The following PSD variants were observed in gnomAD, a reference collection of about 807,000 sequenced individuals.
The protein encoded by PSD is pleckstrin and Sec7 domain containing, also known as PH and SEC7 domain-containing protein 1.
A neutral mutation model predicts 91.6 loss-of-function variants in PSD; 32 were observed. The ratio of observed to expected loss-of-function variants is 0.35; its 90% CI spans 0.26 to 0.47. The LOEUF is 0.47. Ranked by LOEUF, PSD falls within the 20% of genes least tolerant of loss-of-function variation. The pLI is 1.00. For synonymous variants in PSD, 532 were observed against 569.3 expected (o/e 0.93, Z 0.93); for missense variants, 1,099 against 1,373.9 (o/e 0.80, Z 3.16).
Position 102,416,968 on chromosome 10 carries a change from C to A in PSD, c.71G>T (p.Arg24Leu), listed in dbSNP as rs755558509. The A allele has an allele frequency of 6.2e-7, 1 of 1,600,574 alleles. No individual in the cohort carries two copies. Among genetic ancestry groups the A allele is most frequent in the African/African-American group, 1.3e-5 (1 of 74,784 alleles). ...CAISPPRCPR[R>L]WLPEGPVPQS... ...GGGCACCGGGCCTTCGGGGAGCCAG[C>A]GGCGTGGGCATCGTGGTGGGGAGAT... The change falls in exon 2 of 17, where the codon CGC becomes CTC. Residue 24 changes from arginine (R) to leucine (L), a missense_variant. This residue lies in a region of PSD where 631 missense variants were observed against 728.8 expected (regional missense o/e 0.87). Transcript: ENST00000020673. This position sits in a 1 kb window ranked among gnomAD's most constrained non-coding sequence, Gnocchi z 6.0.
At position 102,409,179 on chromosome 10, in the gene PSD, C is replaced by T. The variant is rs558752022; in HGVS notation, c.2091+1679G>A. Reference sequence around the variant, plus strand: ...CCGCCCGGACGGCCCGCGGACCGCTCCCCCGACAGCCAGCGCGAGCGGCGC... The same window carrying T: ...CCGCCCGGACGGCCCGCGGACCGCTTCCCCGACAGCCAGCGCGAGCGGCGC... On this transcript the variant is annotated intron_variant, in intron 10 of 16. Coordinates refer to ENST00000020673, the MANE Select transcript of PSD (RefSeq NM_002779.5). The surrounding 1 kb of genome is among the most constrained non-coding windows in gnomAD (Gnocchi z 5.7). 1.4e-3 allele frequency: 1,354 copies of T among 981,176 alleles called. 2 individuals are homozygous for T. The highest frequency in any genetic ancestry group is 1.6e-3 in the Non-Finnish European group (1,310 of 828,370). The allele number at this position is 981,176 out of a possible 1,614,324, so 60.8% of individuals were successfully genotyped here.
In PSD at chr10:102,409,300, G is replaced by C. The variant is rs2061401014; in HGVS notation, c.2091+1558C>G. On this transcript the variant is annotated intron_variant, in intron 10 of 16. Transcript: ENST00000020673. This position sits in a 1 kb window ranked among gnomAD's most constrained non-coding sequence, Gnocchi z 5.7. ...TCTGCGGCTTGGCTAGAGCGGGAGG[G>C]GGGCGCCGACGGGAAAGGGAGGGCG... 1 of 985,454 alleles carries C rather than the reference G, an allele frequency of 1.0e-6. No homozygotes were observed. Among genetic ancestry groups the C allele is most frequent in the Admixed American group, 6.2e-5 (1 of 16,246 alleles). 61.0% of individuals were successfully genotyped at this position (985,454 alleles called of 1,614,324 possible).
chr10:102,413,764 C>T lies in PSD; in HGVS notation c.1553+5G>A, dbSNP rs770568688. 2 of 1,601,578 alleles carry T rather than the reference C, an allele frequency of 1.2e-6. No homozygotes were observed. Among genetic ancestry groups the T allele is most frequent in the South Asian group, 1.1e-5 (1 of 90,478 alleles). On this transcript the variant is annotated splice_donor_5th_base_variant and intron_variant, in intron 5 of 16. Transcript: ENST00000020673. Reference sequence around the variant, plus strand: ...CAAGTCTGAGGGACAAAAGGAATTACTTACCTGCCAAGGGGTGCTGCCCCC... The same window carrying T: ...CAAGTCTGAGGGACAAAAGGAATTATTTACCTGCCAAGGGGTGCTGCCCCC...
rs373090888 is a variant in PSD at position 102,411,657 on chromosome 10, T to C, written c.1942+50A>G. The C allele has an allele frequency of 4.2e-6, 6 of 1,427,108 alleles. No homozygotes were observed. The African/African-American group carries it at 4.2e-5, about 10-fold the overall frequency. 88.4% of individuals were successfully genotyped at this position (1,427,108 alleles called of 1,614,324 possible). A position where few individuals can be genotyped will look rare whatever the true frequency, so the allele number is the denominator to read the frequency against. On this transcript the variant is annotated intron_variant, in intron 8 of 16. Coordinates refer to ENST00000020673, the MANE Select transcript of PSD (RefSeq NM_002779.5). ...GTACACACACACAGGGCCCAGCCCATTTTGCCACTGTGGCCAGCTAAGGAC... is the reference window on the plus strand; with the variant it reads ...GTACACACACACAGGGCCCAGCCCACTTTGCCACTGTGGCCAGCTAAGGAC...
chr10:102,405,865 C>T lies in PSD; in HGVS notation c.2136-329G>A, dbSNP rs1476574578. On this transcript the variant is annotated intron_variant, in intron 11 of 16. Transcript: ENST00000020673. This position sits in a 1 kb window ranked among gnomAD's most constrained non-coding sequence, Gnocchi z 5.4. ...ACCAGGACAGCCCCGGGCCTGCCTC[C>T]GCTGGCTCAACCACATCCAGCCCCA... is the stretch of plus-strand genomic sequence containing the variant. 1.5e-5 allele frequency: 4 copies of T among 275,032 alleles called. No individual in the cohort carries two copies. The highest frequency in any genetic ancestry group is 4.3e-5 in the African/African-American group (2 of 46,282). 17.0% of individuals were successfully genotyped at this position (275,032 alleles called of 1,614,324 possible).
intron 1 of PSD, among the ~76,000 whole-genome samples, 174 bp downstream of exon 1, chr10:102,418,527 G>T (rs1389669345): frequency 6.6e-6 from 1 of 152,120 alleles, no homozygotes; most frequent in Non-Finnish European, 1.5e-5. Context: ...CTCCCCAGGG[G>T]TAAGACAGAT....
rs746885170 is a variant in PSD at position 102,413,867 on chromosome 10, C to T, written c.1455G>A (p.Glu485=). ...DGPWTQRGEE[E]EAEARAKLAP... ...CCAGCTTGGCTCTGGCCTCTGCCTC[C>T]TCCTCCTCCCCTCTCTGTGTCCAAG... Residue 485 remains glutamate, a synonymous_variant, in exon 5 of 17, where the codon GAG becomes GAA. Transcript: ENST00000020673. The T allele has an allele frequency of 1.9e-6, 3 of 1,614,012 alleles. No homozygotes were observed. Among genetic ancestry groups the T allele is most frequent in the South Asian group, 2.2e-5 (2 of 91,084 alleles).
Position 102,404,740 on chromosome 10 carries a change from C to A in PSD, c.2556-13G>T. On this transcript the variant is annotated splice_polypyrimidine_tract_variant and intron_variant, in intron 14 of 16. Transcript: ENST00000020673. The surrounding 1 kb of genome is among the most constrained non-coding windows in gnomAD (Gnocchi z 5.7). ...CTGCTCCAGGCTCCTGGGGAGAAAG[C>A]ACAGCCCTTTGGGACCTGGGCCCAG... 6.4e-7 allele frequency: 1 copy of A among 1,563,090 alleles called. No homozygotes were observed. Among genetic ancestry groups the A allele is most frequent in the Non-Finnish European group, 8.7e-7 (1 of 1,152,160 alleles).
chr10:102,407,354 A>G, intron 10 of PSD, 88 bp from the exon 11 acceptor site: 3 of 848,582 alleles, frequency 3.5e-6, no homozygotes, highest in South Asian at 2.9e-5. Flanking sequence ...TTGAGAGATG[A>G]GCCAGAACTA....
Position 102,409,308 on chromosome 10 carries a change from G to A in PSD, c.2091+1550C>T. On this transcript the variant is annotated intron_variant, in intron 10 of 16. Coordinates refer to ENST00000020673, the MANE Select transcript of PSD (RefSeq NM_002779.5). This position sits in a 1 kb window ranked among gnomAD's most constrained non-coding sequence, Gnocchi z 5.7. ...TTGGCTAGAGCGGGAGGGGGGCGCC[G>A]ACGGGAAAGGGAGGGCGAGGGCTGG... 1.0e-6 allele frequency: 1 copy of A among 985,420 alleles called. No homozygotes were observed. The highest frequency in any genetic ancestry group is 1.2e-6 in the Non-Finnish European group (1 of 829,616). The allele number at this position is 985,420 out of a possible 1,614,324, so 61.0% of individuals were successfully genotyped here.
At chr10:102,407,201 A>G (rs746865549) in intron 11 of PSD, 22 bp downstream of exon 11, 15 of 1,559,812 alleles carry the variant, frequency 9.6e-6, no homozygotes, top group Admixed American at 1.7e-5. Context: ...TCCTAGCCCC[A>G]CCACGCAGCC....
At position 102,404,788 on chromosome 10, in the gene PSD, T is replaced by C; in HGVS notation, c.2556-61A>G. On this transcript the variant is annotated intron_variant, in intron 14 of 16. Coordinates refer to ENST00000020673, the MANE Select transcript of PSD (RefSeq NM_002779.5). This position sits in a 1 kb window ranked among gnomAD's most constrained non-coding sequence, Gnocchi z 5.7. ...CAGGGTTTCTGTCCCAGGATGCCAG[T>C]CCTGGCTCAAGTGTGGCCTGAGAAG... 6.4e-7 allele frequency: 1 copy of C among 1,559,838 alleles called. No individual in the cohort carries two copies. Among genetic ancestry groups the C allele is most frequent in the Non-Finnish European group, 8.7e-7 (1 of 1,151,414 alleles).
In PSD at chr10:102,416,667, A is replaced by T; in HGVS notation, c.372T>A (p.Ser124Arg). 1.2e-6 allele frequency: 2 copies of T among 1,610,008 alleles called. No individual in the cohort carries two copies. Among genetic ancestry groups the T allele is most frequent in the Non-Finnish European group, 1.7e-6 (2 of 1,178,434 alleles). ...AAACCCCACCCAGATCCCAGCTCCG[A>T]CTCAAGCCCCCTGGAGCAGGTAGCC... is the stretch of plus-strand genomic sequence containing the variant. ...LNGLPAPGGL[S>R]RSWDLGGVSP... Residue 124 changes from serine to arginine, a missense_variant, in exon 2 of 17, where the codon AGT becomes AGA. Around this residue, in one of 3 missense-constraint regions of PSD, gnomAD observed 631 missense variants for 728.8 expected, o/e 0.87. Transcript: ENST00000020673. This position sits in a 1 kb window ranked among gnomAD's most constrained non-coding sequence, Gnocchi z 6.0.
chr10:102,409,299 G>A lies in PSD; in HGVS notation c.2091+1559C>T. Reference sequence around the variant, plus strand: ...CTCTGCGGCTTGGCTAGAGCGGGAGGGGGGCGCCGACGGGAAAGGGAGGGC... The same window carrying A: ...CTCTGCGGCTTGGCTAGAGCGGGAGAGGGGCGCCGACGGGAAAGGGAGGGC... On this transcript the variant is annotated intron_variant, in intron 10 of 16. Transcript: ENST00000020673. This position sits in a 1 kb window ranked among gnomAD's most constrained non-coding sequence, Gnocchi z 5.7. 1.0e-6 allele frequency: 1 copy of A among 985,534 alleles called. No individual in the cohort carries two copies. Among genetic ancestry groups the A allele is most frequent in the Non-Finnish European group, 1.2e-6 (1 of 829,690 alleles). The allele number at this position is 985,534 out of a possible 1,614,324, so 61.0% of individuals were successfully genotyped here. A position where few individuals can be genotyped will look rare whatever the true frequency, so the allele number is the denominator to read the frequency against.
intron 5 of PSD, 75 bp from the exon 6 acceptor site, chr10:102,412,650 G>T (rs2061436426): frequency 1.5e-6 from 2 of 1,332,446 alleles, no homozygotes; most frequent in African/African-American, 1.5e-5. Flanking sequence ...CTGCCTCCAG[G>T]CCCAGAAGAT....
chr10:102,408,918 G>A, intron 10 of PSD: 1 of 987,572 alleles, frequency 1.0e-6, no homozygotes, highest in Non-Finnish European at 1.2e-6. Context: ...TTGCGGCTCT[G>A]CAGGCGGCTG....
At chr10:102,406,807 G>T (rs564597995) in intron 11 of PSD, among the ~76,000 whole-genome samples, 1 of 152,178 alleles carries the variant, frequency 6.6e-6, no homozygotes, top group African/African-American at 2.4e-5. Context: ...GCCTGGCCGA[G>T]TATCTATGTT....
In PSD at chr10:102,405,487, G is replaced by C. The variant is rs747897571; in HGVS notation, c.2185C>G (p.Pro729Ala). 6.2e-7 allele frequency: 1 copy of C among 1,613,852 alleles called. No individual in the cohort carries two copies. Among genetic ancestry groups the C allele is most frequent in the Non-Finnish European group, 8.5e-7 (1 of 1,179,988 alleles). ...RSLSELADPN[P>A]KVIKRISGGS... ...CCGCTGATCCGCTTGATGACCTTGG[G>C]GTTGGGGTCGGCCAACTCAGACAGA... is the stretch of plus-strand genomic sequence containing the variant. The change falls in exon 12 of 17, where the codon CCC becomes GCC. Residue 729 changes from proline (P) to alanine (A), a missense_variant. By Grantham distance (27) the Pro-to-Ala change is conservative. Around this residue, in one of 3 missense-constraint regions of PSD, gnomAD observed 358 missense variants for 426.5 expected, o/e 0.84. Transcript: ENST00000020673. This position sits in a 1 kb window ranked among gnomAD's most constrained non-coding sequence, Gnocchi z 5.4.
chr10:102,419,897 C>T (rs547177965), upstream of PSD: 1 of 250,572 alleles, frequency 4.0e-6, no homozygotes, highest in South Asian at 3.2e-5. The surrounding 1 kb of genome is among the most constrained non-coding windows in gnomAD (Gnocchi z 4.8). Flanking sequence ...TTTCTTGTCT[C>T]TCCCCGCTGC....
Sources: allele counts gnomAD v4.1 joint callset (sites outside exome capture counted in the v4.1 genomes callset), GRCh38; gene constraint gnomAD v4.1.1; regional missense constraint gnomAD v4.1.1; non-coding constraint Gnocchi (gnomAD v3.1); transcripts MANE v1.5; gene names NCBI Gene and HGNC (gene_info 2026-07-23, HGNC 2026-07-21).